Variants in CCDC61 observed in about 807,000 individuals in gnomAD.
CCDC61 encodes centrosomal protein CCDC61.
Under a neutral mutation model 63.0 loss-of-function variants are expected in CCDC61, and 55 were observed. The ratio of observed to expected loss-of-function variants is 0.87; its 90% CI spans 0.70 to 1.09. The LOEUF (loss-of-function observed/expected upper bound fraction) is 1.09. CCDC61 is among the 50% of genes least tolerant of loss of function. The pLI, the probability that CCDC61 is intolerant of heterozygous loss-of-function variation, is 0.00. For synonymous variants in CCDC61, 270 were observed against 317.0 expected (o/e 0.85, Z 1.58); for missense variants, 651 against 731.4 (o/e 0.89, Z 1.27).
At chr19:46,009,010 G>T (rs1021552311) in intron 5 of CCDC61, among the ~76,000 whole-genome samples, 7 of 152,162 alleles carry the variant, frequency 4.6e-5, no homozygotes, top group Non-Finnish European at 1.0e-4. Context: ...GCCCAGCCCT[G>T]GGGGAGATGG....
chr19:46,008,056 C>T (rs188069812), intron 4 of CCDC61, 84 bp from the exon 5 acceptor site: 348 of 1,414,364 alleles, frequency 2.5e-4, no homozygotes, highest in Middle Eastern at 2.0e-3. Context: ...TGTTTTCGTA[C>T]TCTGTGGCTC....
At chr19:46,010,306 C>T (rs946765759) in intron 5 of CCDC61, among the ~76,000 whole-genome samples, 11 of 152,228 alleles carry the variant, frequency 7.2e-5, no homozygotes, top group Admixed American at 7.2e-4. Flanking sequence ...CCCGGCCACG[C>T]AGCCTGGGGT....
intron 5 of CCDC61, 77 bp from the exon 6 acceptor site, chr19:46,014,972 G>A: frequency 1.6e-6 from 2 of 1,271,916 alleles, no homozygotes; most frequent in Non-Finnish European, 2.1e-6. Flanking sequence ...GTGAAATGAT[G>A]AGGCGTCCCA....
chr19:46,014,998 G>T, intron 5 of CCDC61, 51 bp from the exon 6 acceptor site: 1 of 1,436,598 alleles, frequency 7.0e-7, no homozygotes, highest in South Asian at 1.3e-5. Flanking sequence ...ATGGAGTAGT[G>T]GGAATGGGGC....
At position 46,008,243 on chromosome 19, in the gene CCDC61, C is replaced by T. The variant is rs765878930; in HGVS notation, c.493C>T (p.Leu165=). ...LKEELGRLQG[L]DGQNTRDTRE... ...GGAGGAACTGGGCCGCCTGCAAGGG[C>T]TGGATGGCCAGAACACTCGGGACAC... Residue 165 remains leucine, a synonymous_variant, in exon 5 of 14, where the codon CTG becomes TTG. Coordinates refer to ENST00000595358, the MANE Select transcript of CCDC61 (RefSeq NM_001267723.2). 1.3e-6 allele frequency: 2 copies of T among 1,498,260 alleles called. No individual in the cohort carries two copies. The highest frequency in any genetic ancestry group is 1.8e-6 in the Non-Finnish European group (2 of 1,107,244). 92.8% of individuals were successfully genotyped at this position (1,498,260 alleles called of 1,614,324 possible). A position where few individuals can be genotyped will look rare whatever the true frequency, so the allele number is the denominator to read the frequency against.
In CCDC61 at chr19:46,003,127, A is replaced by T; in HGVS notation, c.109A>T (p.Met37Leu). The change falls in exon 2 of 14, where the codon ATG (methionine) becomes TTG (leucine). Residue 37 changes from methionine (M) to leucine (L), a missense_variant. By Grantham distance (15) the Met-to-Leu change is conservative. Coordinates refer to ENST00000595358, the MANE Select transcript of CCDC61 (RefSeq NM_001267723.2). ...GCTGGAGCTGGAGGTGGAGGACCGG[A>T]TGACGGCTGACCAGTGGCGGGGCGA... is the stretch of plus-strand genomic sequence containing the variant. ...QVLELEVEDR[M>L]TADQWRGEFD... is the part of the protein sequence containing the mutation. 1 of 1,613,464 alleles carries T rather than the reference A, an allele frequency of 6.2e-7. No individual in the cohort carries two copies. The highest frequency in any genetic ancestry group is 8.5e-7 in the Non-Finnish European group (1 of 1,179,706).
At chr19:46,005,521 A>G (rs772694272) in intron 3 of CCDC61, among the ~76,000 whole-genome samples, 3 of 151,974 alleles carry the variant, frequency 2.0e-5, no homozygotes, top group Non-Finnish European at 4.4e-5. Flanking sequence ...ATGTTGACAC[A>G]TTTCCTTATA....
chr19:46,004,859 T>A (rs1191611718), intron 3 of CCDC61, among the ~76,000 whole-genome samples: 1 of 140,948 alleles, frequency 7.1e-6, no homozygotes, highest in Non-Finnish European at 1.6e-5. Context: ...TTTTTTTTTT[T>A]TTGAGACAAG....
At position 46,018,368 on chromosome 19, in the gene CCDC61, G is replaced by T; in HGVS notation, c.1520G>T (p.Arg507Leu). 6.4e-7 allele frequency: 1 copy of T among 1,571,444 alleles called. No individual in the cohort carries two copies. Among genetic ancestry groups the T allele is most frequent in the South Asian group, 1.2e-5 (1 of 85,318 alleles). ...RLKALQEYMN[R>L]LDMRS Reference sequence around the variant, plus strand: ...AAGGCCTTGCAGGAGTACATGAACCGACTGGACATGCGGTCATAACGTGGA... The same window carrying T: ...AAGGCCTTGCAGGAGTACATGAACCTACTGGACATGCGGTCATAACGTGGA... Residue 507 changes from arginine to leucine, a missense_variant, in exon 14 of 14, where the codon CGA becomes CTA. Arg to Leu is a moderately radical substitution (Grantham distance 102, BLOSUM62 -2). Coordinates refer to ENST00000595358, the MANE Select transcript of CCDC61 (RefSeq NM_001267723.2). The surrounding 1 kb of genome is among the most constrained non-coding windows in gnomAD (Gnocchi z 4.2).
chr19:46,012,347 C>G (rs973012008), intron 5 of CCDC61, among the ~76,000 whole-genome samples: 2 of 152,150 alleles, frequency 1.3e-5, no homozygotes, highest in Non-Finnish European at 2.9e-5. Context: ...TAACAACTAC[C>G]CAGGTTAAAA....
intron 5 of CCDC61, among the ~76,000 whole-genome samples, chr19:46,012,713 C>T (rs1029366826): frequency 9.9e-5 from 15 of 151,776 alleles, no homozygotes; most frequent in African/African-American, 2.4e-4. Context: ...TGTCTTTTTC[C>T]GGGAGAGACC....
At position 46,018,172 on chromosome 19, in the gene CCDC61, C is replaced by T. The variant is rs1353853591; in HGVS notation, c.1441+22C>T. On this transcript the variant is annotated intron_variant, in intron 13 of 13. Coordinates refer to ENST00000595358, the MANE Select transcript of CCDC61 (RefSeq NM_001267723.2). This position sits in a 1 kb window ranked among gnomAD's most constrained non-coding sequence, Gnocchi z 4.2. ...AAAGGTGAGCCTGGGACTCCACATC[C>T]CCTCTCCCAGCCCCAGGACCCGTTG... 6.3e-7 allele frequency: 1 copy of T among 1,591,172 alleles called. No homozygotes were observed. Among genetic ancestry groups the T allele is most frequent in the Non-Finnish European group, 8.6e-7 (1 of 1,168,924 alleles).
rs531538258 is a variant in CCDC61, at chr19:46,007,083, G to C, written c.389+367G>C. 2.8e-5 allele frequency among the ~76,000 whole-genome samples: 4 copies of C among 143,452 alleles called. No homozygotes were observed. The East Asian group carries it at 8.2e-4, about 29-fold the overall frequency. The allele number at this position is 143,452 out of a possible 152,430, so 94.1% of individuals were successfully genotyped here. A position where few individuals can be genotyped will look rare whatever the true frequency, so the allele number is the denominator to read the frequency against. ...TTTTTTTTTGAGATGGAGTCTCACT[G>C]TCTCATCCAGGCTGGAGTGCAGTGG... is the stretch of plus-strand genomic sequence containing the variant. On this transcript the variant is annotated intron_variant, in intron 4 of 13. Transcript: ENST00000595358.
At position 46,015,158 on chromosome 19, in the gene CCDC61, G is replaced by T. The variant is rs1035365424; in HGVS notation, c.661G>T (p.Gly221Trp). ...AARQEAEALR[G>W]LVRGLELELR... ...ACGCCAGGAGGCCGAGGCGCTGCGCGGGCTGGTGCGCGGGCTGGAGCTGGA... is the reference window on the plus strand; with the variant it reads ...ACGCCAGGAGGCCGAGGCGCTGCGCTGGCTGGTGCGCGGGCTGGAGCTGGA... Residue 221 changes from glycine (G) to tryptophan (W), a missense_variant, in exon 6 of 14, where the codon GGG becomes TGG. By Grantham distance (184) the Gly-to-Trp change is radical (BLOSUM62 -2). Transcript: ENST00000595358. This position sits in a 1 kb window ranked among gnomAD's most constrained non-coding sequence, Gnocchi z 5.3. 9.5e-6 allele frequency: 12 copies of T among 1,265,302 alleles called. No individual in the cohort carries two copies. The highest frequency in any genetic ancestry group is 3.0e-4 in the Middle Eastern group (1 of 3,280). 78.4% of individuals were successfully genotyped at this position (1,265,302 alleles called of 1,614,324 possible).
chr19:46,003,523 T>TGG, intron 3 of CCDC61, 22 bp downstream of exon 3: 59 of 1,014,512 alleles, frequency 5.8e-5, no homozygotes, highest in Middle Eastern at 2.4e-4. Flanking sequence ...GTTGGCGGGT[T>TGG]GGGGTGGGAG....
In CCDC61 at chr19:46,003,183, G is replaced by C; in HGVS notation, c.148+17G>C. Reference sequence around the variant, plus strand: ...ATGCTGGCTGTGAGTGTGCCTGCCTGGGGTGGGCTCACCTTTCCTCTCCTG... The same window carrying C: ...ATGCTGGCTGTGAGTGTGCCTGCCTCGGGTGGGCTCACCTTTCCTCTCCTG... On this transcript the variant is annotated intron_variant, in intron 2 of 13. Coordinates refer to ENST00000595358, the MANE Select transcript of CCDC61 (RefSeq NM_001267723.2). The C allele has an allele frequency of 6.3e-7, 1 of 1,595,304 alleles. No homozygotes were observed. The highest frequency in any genetic ancestry group is 8.6e-7 in the Non-Finnish European group (1 of 1,168,668).
chr19:46,009,355 T>A (rs1274377857), intron 5 of CCDC61, among the ~76,000 whole-genome samples: 2 of 152,162 alleles, frequency 1.3e-5, no homozygotes, highest in Admixed American at 1.3e-4. Context: ...TGGGGAGGAC[T>A]AATAATATTT....
At chr19:46,006,052 T>C (rs954765434) in intron 3 of CCDC61, among the ~76,000 whole-genome samples, 2 of 152,226 alleles carry the variant, frequency 1.3e-5, no homozygotes, top group Non-Finnish European at 2.9e-5. Context: ...GTTGATTTGC[T>C]TATTTACTTG....
intron 5 of CCDC61, among the ~76,000 whole-genome samples, chr19:46,009,250 G>T (rs1968776947): frequency 6.6e-6 from 1 of 152,102 alleles, no homozygotes; most frequent in African/African-American, 2.4e-5. Flanking sequence ...AGAAGCAAAG[G>T]CCTTTGGCAT....
Sources: allele counts gnomAD v4.1 joint callset (sites outside exome capture counted in the v4.1 genomes callset), GRCh38; gene constraint gnomAD v4.1.1; non-coding constraint Gnocchi (gnomAD v3.1); transcripts MANE v1.5; gene names NCBI Gene and HGNC (gene_info 2026-07-23, HGNC 2026-07-21).